The following PIEZO2 variants were observed in gnomAD, a reference collection of about 807,000 sequenced individuals.
PIEZO2 encodes the protein piezo type mechanosensitive ion channel component 2.
A neutral mutation model predicts 337.3 loss-of-function variants in PIEZO2; 172 were observed. The ratio of observed to expected loss-of-function variants is 0.51; its 90% CI spans 0.45 to 0.58. The LOEUF is 0.58. PIEZO2 is among the 20% of genes least tolerant of loss of function. The pLI, the probability that PIEZO2 is intolerant of heterozygous loss-of-function variation, is 0.00. For synonymous variants in PIEZO2, 1,251 were observed against 1,228.5 expected, an observed-to-expected ratio of 1.02 and a Z score of -0.38; for missense variants, 3,028 against 3,391.3, an observed-to-expected ratio of 0.89 and a Z score of 2.66.
chr18:11,019,563 C>T (rs1280666804), intron 2 of PIEZO2, among the ~76,000 whole-genome samples: 2 of 152,154 alleles, frequency 1.3e-5, no homozygotes, highest in Non-Finnish European at 2.9e-5. Context: ...AAAGGCCTTC[C>T]AGGACTCCTG....
intron 1 of PIEZO2, among the ~76,000 whole-genome samples, chr18:11,088,582 G>A (rs111762555): frequency 0.018 from 2,684 of 152,240 alleles, 69 homozygotes; most frequent in African/African-American, 0.06. Flanking sequence ...CAAATGTACC[G>A]TTTCTCACAT....
chr18:11,062,106 A>T (rs556973286), intron 2 of PIEZO2, among the ~76,000 whole-genome samples: 1 of 152,182 alleles, frequency 6.6e-6, no homozygotes, highest in Non-Finnish European at 1.5e-5. Flanking sequence ...ATAATGCCGC[A>T]TACCTACAAC....
Position 11,002,280 on chromosome 18 carries a change from T to C in PIEZO2, c.161-22620A>G, listed in dbSNP as rs2035571737. 6.6e-6 allele frequency among the ~76,000 whole-genome samples: 1 copy of C among 152,230 alleles called. No homozygotes were observed. On this transcript the variant is annotated intron_variant, in intron 2 of 55. Coordinates refer to ENST00000674853, the MANE Select transcript of PIEZO2 (RefSeq NM_001378183.1). This position sits in a 1 kb window ranked among gnomAD's most constrained non-coding sequence, Gnocchi z 4.3. Reference sequence around the variant, plus strand: ...ACAAAATACAGCAGTGAGTAGAGGCTGGTTCAGTCTATAGGCTGTAGTTTG... The same window carrying C: ...ACAAAATACAGCAGTGAGTAGAGGCCGGTTCAGTCTATAGGCTGTAGTTTG...
intron 48 of PIEZO2, 142 bp from the exon 49 acceptor site, chr18:10,689,944 C>A: frequency 3.6e-6 from 3 of 828,116 alleles, no homozygotes; most frequent in Non-Finnish European, 3.6e-6. Context: ...CAGTAAAACC[C>A]AACTTGGAAC....
Position 10,846,262 on chromosome 18 carries a change from G to A in PIEZO2, c.917+9091C>T, listed in dbSNP as rs1355359648. On this transcript the variant is annotated intron_variant, in intron 7 of 55. Coordinates refer to ENST00000674853, the MANE Select transcript of PIEZO2 (RefSeq NM_001378183.1). The surrounding 1 kb of genome is among the most constrained non-coding windows in gnomAD (Gnocchi z 4.1). The stretch of plus-strand genomic sequence containing the variant: ...TCTTACACAGATGGCAGCAGGCAAA[G>A]AGAGAGCTCATGCAGGCAAACTCCC... Among the ~76,000 whole-genome samples the A allele has an allele frequency of 6.6e-6, 1 of 152,200 alleles. No individual in the cohort carries two copies. The highest frequency in any genetic ancestry group is 6.5e-5 in the Admixed American group (1 of 15,282).
At chr18:10,984,029 G>A (rs2034775886) in intron 2 of PIEZO2, among the ~76,000 whole-genome samples, 3 of 152,082 alleles carry the variant, frequency 2.0e-5, no homozygotes, top group Non-Finnish European at 2.9e-5. Context: ...GAGACTCCCA[G>A]AATCTCTAAC....
At chr18:10,749,440 G>GT (rs1487332908) in intron 29 of PIEZO2, among the ~76,000 whole-genome samples, 1 of 152,046 alleles carries the variant, frequency 6.6e-6, no homozygotes, top group Non-Finnish European at 1.5e-5. Flanking sequence ...TTCAGCCTGG[G>GT]TAACAGAGAC....
At position 11,070,299 on chromosome 18, in the gene PIEZO2, T is replaced by C. The variant is rs1284161144; in HGVS notation, c.65-4077A>G. ...GTACAGTAAAAATACGGCACTATAA[T>C]CTTAGGGGACCAACCCCACAGACTG... On this transcript the variant is annotated intron_variant, in intron 1 of 55. Coordinates refer to ENST00000674853, the MANE Select transcript of PIEZO2 (RefSeq NM_001378183.1). This position sits in a 1 kb window ranked among gnomAD's most constrained non-coding sequence, Gnocchi z 4.3. Among the ~76,000 whole-genome samples the C allele has an allele frequency of 2.0e-5, 3 of 152,140 alleles. No homozygotes were observed. The highest frequency in any genetic ancestry group is 4.8e-5 in the African/African-American group (2 of 41,424).
chr18:11,039,294 A>G (rs2037028905), intron 2 of PIEZO2, among the ~76,000 whole-genome samples: 1 of 152,244 alleles, frequency 6.6e-6, no homozygotes, highest in South Asian at 2.1e-4. Context: ...GACAAATGGA[A>G]CATTCTGTAG....
At chr18:10,951,798 G>A (rs999809647) in intron 3 of PIEZO2, among the ~76,000 whole-genome samples, 4 of 152,296 alleles carry the variant, frequency 2.6e-5, no homozygotes, top group African/African-American at 7.2e-5. Flanking sequence ...CCCAAGGGCA[G>A]TGGACTGTAG....
At position 10,727,153 on chromosome 18, in the gene PIEZO2, G is replaced by A. The variant is rs1168015309; in HGVS notation, c.5029+4254C>T. On this transcript the variant is annotated intron_variant, in intron 36 of 55. Transcript: ENST00000674853. The surrounding 1 kb of genome is among the most constrained non-coding windows in gnomAD (Gnocchi z 6.3). The stretch of plus-strand genomic sequence containing the variant: ...CTGGGGATCTGCAGCAGCATGTCTG[G>A]CAAACTGAGTCGCCCTCCTGCCTCC... The A allele has an allele frequency of 6.9e-5, 29 of 422,934 alleles. No individual in the cohort carries two copies. In the East Asian group the frequency reaches 1.0e-3, roughly 15 times the overall value. The allele number at this position is 422,934 out of a possible 1,614,324, so 26.2% of individuals were successfully genotyped here.
intron 2 of PIEZO2, among the ~76,000 whole-genome samples, chr18:11,036,476 G>A (rs906904860): frequency 6.6e-6 from 1 of 151,826 alleles, no homozygotes; most frequent in Non-Finnish European, 1.5e-5. Flanking sequence ...TTTTATCCCT[G>A]GATATATCTT....
intron 22 of PIEZO2, 46 bp from the exon 23 acceptor site, chr18:10,762,671 T>C (rs756302942): frequency 1.3e-6 from 2 of 1,525,448 alleles, no homozygotes; most frequent in Middle Eastern, 1.7e-4. Flanking sequence ...CTCCACAGAT[T>C]AGGAGAGCTC....
intron 36 of PIEZO2, among the ~76,000 whole-genome samples, chr18:10,720,413 GTGTA>G (rs201482963): frequency 0.029 from 1,075 of 36,538 alleles, 99 homozygotes; most frequent in Non-Finnish European, 0.034. Flanking sequence ...GTATGTGTAT[GTGTA>G]TGTATATATA....
intron 1 of PIEZO2, among the ~76,000 whole-genome samples, chr18:11,079,979 T>C (rs111315868): frequency 4.6e-5 from 7 of 152,270 alleles, no homozygotes; most frequent in East Asian, 1.9e-4. Flanking sequence ...GACTGACCTA[T>C]TAGGTAGATA....
intron 2 of PIEZO2, among the ~76,000 whole-genome samples, chr18:11,014,187 G>A (rs986569012): frequency 6.7e-5 from 10 of 149,580 alleles, no homozygotes; most frequent in African/African-American, 1.7e-4. Flanking sequence ...TGGCGGGCAC[G>A]TCACCCTGGG....
Position 10,716,217 on chromosome 18 carries a change from C to G in PIEZO2, c.5090-401G>C, listed in dbSNP as rs1177196569. ...CTTCTCTCCTCCACCTCTGCTGCCT[C>G]TGCCACCCCTAATACAGAAAAACCA... On this transcript the variant is annotated intron_variant, in intron 37 of 55. Transcript: ENST00000674853. The surrounding 1 kb of genome is among the most constrained non-coding windows in gnomAD (Gnocchi z 4.1). Among the ~76,000 whole-genome samples the G allele has an allele frequency of 1.3e-5, 2 of 152,200 alleles. No individual in the cohort carries two copies.
chr18:11,059,614 C>T (rs2037863640), intron 2 of PIEZO2, among the ~76,000 whole-genome samples: 1 of 152,104 alleles, frequency 6.6e-6, no homozygotes, highest in Non-Finnish European at 1.5e-5. Flanking sequence ...ATCCTAGTCT[C>T]TGATAAAACA....
chr18:10,689,967 C>A (rs2034730203), intron 48 of PIEZO2, among the ~76,000 whole-genome samples, 165 bp from the exon 49 acceptor site: 1 of 152,244 alleles, frequency 6.6e-6, no homozygotes, highest in Admixed American at 6.5e-5. Flanking sequence ...AACTGCTTTT[C>A]ATTATAAGTC....
Sources: allele counts gnomAD v4.1 joint callset (sites outside exome capture counted in the v4.1 genomes callset), GRCh38; gene constraint gnomAD v4.1.1; non-coding constraint Gnocchi (gnomAD v3.1); transcripts MANE v1.5; gene names NCBI Gene and HGNC (gene_info 2026-07-23, HGNC 2026-07-21).